Variants in GABPB2 observed in about 807,000 individuals in gnomAD.
GABPB2 encodes GA-binding protein subunit beta-2.
GABPB2 carries 23 observed loss-of-function variants against 39.1 expected under a neutral mutation model. That is an observed-to-expected ratio of 0.59 (90% CI 0.42 to 0.83). The LOEUF (loss-of-function observed/expected upper bound fraction) is 0.83, where lower values mean the gene tolerates loss of function less well. GABPB2 is among the 40% of genes least tolerant of loss of function. GABPB2 has a pLI of 0.00. For missense variants in GABPB2, 467 were observed against 541.1 expected (o/e 0.86, Z 1.36); for synonymous variants, 184 against 199.3 (o/e 0.92, Z 0.65).
In GABPB2 at chr1:151,118,380, A is replaced by C; in HGVS notation, c.*124A>C. 1 of 928,164 alleles carries C rather than the reference A, an allele frequency of 1.1e-6. No homozygotes were observed. Among genetic ancestry groups the C allele is most frequent in the South Asian group, 2.1e-5 (1 of 48,256 alleles). The allele number at this position is 928,164 out of a possible 1,614,324, so 57.5% of individuals were successfully genotyped here. A position where few individuals can be genotyped will look rare whatever the true frequency, so the allele number is the denominator to read the frequency against. On this transcript the variant is annotated 3_prime_UTR_variant, in exon 9 of 9. Transcript: ENST00000368918. ...TAAGAAGAAAACTATAGCAGGGTAC[A>C]ATGCTTGGGCTCAGGAAGTTTCTCT...
chr1:151,074,265 G>A (rs995595187), intron 1 of GABPB2, among the ~76,000 whole-genome samples: 4 of 148,360 alleles, frequency 2.7e-5, no homozygotes, highest in South Asian at 2.1e-4. Flanking sequence ...GTGAGCCACC[G>A]CGCCCGGCTG....
rs895681741 is a variant in GABPB2 at position 151,118,099 on chromosome 1, C to T, written c.1190C>T (p.Pro397Leu). The T allele has an allele frequency of 5.6e-6, 9 of 1,613,912 alleles. No individual in the cohort carries two copies. Among genetic ancestry groups the T allele is most frequent in the Non-Finnish European group, 5.9e-6 (7 of 1,180,014 alleles). The change falls in exon 9 of 9, where the codon CCC (proline) becomes CTC (leucine). Residue 397 changes from proline to leucine, a missense_variant. By Grantham distance (98) the Pro-to-Leu change is moderately conservative. Coordinates refer to ENST00000368918, the MANE Select transcript of GABPB2 (RefSeq NM_144618.3). ...LKLEAIARQQ[P>L]NGVDFTMVEE... ...CTGGAGGCCATAGCCCGACAGCAGC[C>T]CAATGGAGTTGATTTCACCATGGTT...
chr1:151,075,240 C>T (rs1488550537), intron 1 of GABPB2, among the ~76,000 whole-genome samples: 1 of 151,746 alleles, frequency 6.6e-6, no homozygotes, highest in Non-Finnish European at 1.5e-5. Flanking sequence ...ACCATCCTGG[C>T]TAACACGGTG....
chr1:151,097,888 A>G lies in GABPB2; in HGVS notation c.508A>G (p.Arg170Gly). 1 of 1,614,122 alleles carries G rather than the reference A, an allele frequency of 6.2e-7. No individual in the cohort carries two copies. The highest frequency in any genetic ancestry group is 8.5e-7 in the Non-Finnish European group (1 of 1,179,992). Reference protein sequence around the residue: ...MQNQVNVNPERANPVTDPVSM... With the variant: ...MQNQVNVNPEGANPVTDPVSM... ...GAATCAGGTGAATGTTAATCCAGAG[A>G]GAGCCAACCCTGTGACTGACCCTGT... Residue 170 changes from arginine (R) to glycine (G), a missense_variant, in exon 5 of 9, where the codon AGA becomes GGA. Transcript: ENST00000368918.
In GABPB2 at chr1:151,117,968, A is replaced by C; in HGVS notation, c.1059A>C (p.Glu353Asp). ...NSVEESKEGN[E>D]RELLQQQLQE... is the part of the protein sequence containing the mutation. ...GCTTACTTTTACAGGAAGGCAATGA[A>C]AGAGAGCTACTACAGCAACAACTCC... Residue 353 changes from glutamate (E) to aspartate (D), a missense_variant, in exon 9 of 9, where the codon GAA (glutamate) becomes GAC (aspartate). Glu to Asp is a conservative substitution (Grantham distance 45). Coordinates refer to ENST00000368918, the MANE Select transcript of GABPB2 (RefSeq NM_144618.3). The C allele has an allele frequency of 6.2e-7, 1 of 1,609,760 alleles. No homozygotes were observed. The highest frequency in any genetic ancestry group is 8.5e-7 in the Non-Finnish European group (1 of 1,177,212).
intron 1 of GABPB2, among the ~76,000 whole-genome samples, chr1:151,077,410 G>A (rs775398763): frequency 6.8e-6 from 1 of 146,510 alleles, no homozygotes; most frequent in African/African-American, 2.5e-5. Context: ...AGGCTGGAGT[G>A]CAGTGGCGCA....
At chr1:151,093,419 GT>G in intron 4 of GABPB2, 33 bp downstream of exon 4, 1 of 1,471,978 alleles carries the variant, frequency 6.8e-7, no homozygotes, top group Non-Finnish European at 9.1e-7. Flanking sequence ...CAGAATGTAT[GT>G]TAATTGAAGT....
At chr1:151,102,671 A>T (rs1192318712) in intron 5 of GABPB2, among the ~76,000 whole-genome samples, 3 of 152,108 alleles carry the variant, frequency 2.0e-5, no homozygotes, top group Non-Finnish European at 4.4e-5. Context: ...CGAACTCCTG[A>T]TCTCAGGTGA....
intron 1 of GABPB2, among the ~76,000 whole-genome samples, chr1:151,073,678 T>C (rs924480153): frequency 6.6e-6 from 1 of 151,998 alleles, no homozygotes; most frequent in Non-Finnish European, 1.5e-5. Flanking sequence ...TCCCAGCACT[T>C]TGGGAGGCTG....
At chr1:151,096,548 G>A (rs761031785) in intron 4 of GABPB2, among the ~76,000 whole-genome samples, 8 of 151,976 alleles carry the variant, frequency 5.3e-5, no homozygotes, top group Non-Finnish European at 1.2e-4. Context: ...TCAATTCTTT[G>A]TTTAGAGCCC....
At chr1:151,080,428 T>C (rs1677570848) in intron 1 of GABPB2, among the ~76,000 whole-genome samples, 1 of 149,676 alleles carries the variant, frequency 6.7e-6, no homozygotes, top group Non-Finnish European at 1.5e-5. Context: ...GGAGAATCGC[T>C]TCAACCCAGG....
At position 151,119,175 on chromosome 1, in the gene GABPB2, AC is replaced by A. The variant is rs1022024375; in HGVS notation, c.*920del. The stretch of plus-strand genomic sequence containing the variant: ...ATTTAAAAATTAGCCAAGTATGGTG[AC>A]AGGCACCTATGGTTCCAGCTACTCA... On this transcript the variant is annotated 3_prime_UTR_variant, in exon 9 of 9. Coordinates refer to ENST00000368918, the MANE Select transcript of GABPB2 (RefSeq NM_144618.3). The A allele has an allele frequency of 2.0e-5, 3 of 152,268 alleles. No homozygotes were observed. Among genetic ancestry groups the A allele is most frequent in the African/African-American group, 7.2e-5 (3 of 41,460 alleles). The allele number at this position is 152,268 out of a possible 1,614,324, so 9.4% of individuals were successfully genotyped here.
intron 4 of GABPB2, among the ~76,000 whole-genome samples, chr1:151,095,790 T>C (rs761117656): frequency 3.9e-5 from 6 of 152,114 alleles, no homozygotes; most frequent in Admixed American, 6.6e-5. Context: ...TCCTAGCACT[T>C]TGGGAGGCCG....
chr1:151,111,659 G>C (rs983948758), intron 7 of GABPB2, among the ~76,000 whole-genome samples: 2 of 150,776 alleles, frequency 1.3e-5, no homozygotes. Flanking sequence ...TGATCCACCC[G>C]CCTCGGCCTC....
chr1:151,095,920 C>G (rs769135447), intron 4 of GABPB2, among the ~76,000 whole-genome samples: 1 of 151,442 alleles, frequency 6.6e-6, no homozygotes, highest in Non-Finnish European at 1.5e-5. Context: ...GTAATCCCAG[C>G]TACTTGGGTG....
intron 7 of GABPB2, among the ~76,000 whole-genome samples, chr1:151,109,595 G>A (rs996059890): frequency 3.3e-5 from 5 of 151,350 alleles, no homozygotes; most frequent in Admixed American, 6.6e-5. Context: ...TCCTGACCTC[G>A]TGATCCACCC....
intron 4 of GABPB2, among the ~76,000 whole-genome samples, chr1:151,094,313 A>G (rs1240288958): frequency 6.6e-6 from 1 of 151,310 alleles, no homozygotes; most frequent in Non-Finnish European, 1.5e-5. Flanking sequence ...TGGCCTCTCA[A>G]AGTGCTGGGA....
At chr1:151,075,563 CAAAAAAAA>C (rs35110350) in intron 1 of GABPB2, among the ~76,000 whole-genome samples, 1 of 44,270 alleles carries the variant, frequency 2.3e-5, no homozygotes, top group African/African-American at 9.4e-5. Context: ...GACTTTGTCT[CAAAAAAAA>C]AAAAAAAAAA....
rs2101582158 is a variant in GABPB2 at position 151,119,764 on chromosome 1, A to G, written c.*1508A>G. On this transcript the variant is annotated 3_prime_UTR_variant, in exon 9 of 9. Coordinates refer to ENST00000368918, the MANE Select transcript of GABPB2 (RefSeq NM_144618.3). ...AAAAACAAAACAAACAAACAAAAAT[A>G]CAAAAAATTAGCCGGGCGTGGTGGC... The G allele has an allele frequency of 6.6e-6, 1 of 151,938 alleles. No individual in the cohort carries two copies. Among genetic ancestry groups the G allele is most frequent in the African/African-American group, 2.4e-5 (1 of 41,188 alleles). The allele number at this position is 151,938 out of a possible 1,614,324, so 9.4% of individuals were successfully genotyped here.
Sources: gnomAD v4.1 joint callset for allele counts (sites outside exome capture counted in the v4.1 genomes callset) on GRCh38, gnomAD v4.1.1 for gene constraint, MANE v1.5 for transcripts, NCBI Gene and HGNC (gene_info 2026-07-23, HGNC 2026-07-21) for gene names.